The following ZNF438 variants were observed in gnomAD, a reference collection of about 807,000 sequenced individuals.
The protein encoded by ZNF438 is zinc finger protein 438.
ZNF438 carries 25 observed loss-of-function variants against 38.0 expected under a neutral mutation model. The observed-to-expected ratio is 0.66, with a 90% confidence interval of 0.48 to 0.92. The LOEUF is 0.92. ZNF438 is among the 40% of genes least tolerant of loss of function. The pLI, the probability that ZNF438 is intolerant of heterozygous loss-of-function variation, is 0.00. For synonymous variants in ZNF438, 372 were observed against 364.1 expected, an observed-to-expected ratio of 1.02 and a Z score of -0.25; for missense variants, 1,007 against 999.6, an observed-to-expected ratio of 1.01 and a Z score of -0.10.
intron 2 of ZNF438, among the ~76,000 whole-genome samples, chr10:30,938,071 A>G (rs151030578): frequency 6.7e-4 from 102 of 152,266 alleles, no homozygotes; most frequent in African/African-American, 2.4e-3. Flanking sequence ...GCTAAGATCT[A>G]GGGACTTAAT....
At chr10:30,905,969 G>A (rs2042541268) in intron 3 of ZNF438, among the ~76,000 whole-genome samples, 1 of 152,064 alleles carries the variant, frequency 6.6e-6, no homozygotes, top group South Asian at 2.1e-4. Flanking sequence ...TTATAGCTTT[G>A]TAGTAAGTCT....
At chr10:30,850,164 C>A (rs1220081384) in exon 5 of ZNF438, 1 of 1,613,954 alleles carries the variant, frequency 6.2e-7, no homozygotes, top group African/African-American at 1.3e-5. Flanking sequence ...TGCATCAGGG[C>A]ATAGTTCTGG....
intron 1 of ZNF438, among the ~76,000 whole-genome samples, chr10:30,995,132 T>A (rs1336676792): frequency 1.3e-5 from 2 of 151,810 alleles, no homozygotes; most frequent in Non-Finnish European, 2.9e-5. Flanking sequence ...GAAATATGAA[T>A]CTACACATCC....
At chr10:31,012,394 A>G (rs2055794990) in intron 1 of ZNF438, among the ~76,000 whole-genome samples, 1 of 152,116 alleles carries the variant, frequency 6.6e-6, no homozygotes, top group Non-Finnish European at 1.5e-5. Context: ...AAGTGCTGGG[A>G]TTACAGGCAT....
At chr10:30,893,039 C>T (rs1646545674) in intron 3 of ZNF438, among the ~76,000 whole-genome samples, 1 of 152,148 alleles carries the variant, frequency 6.6e-6, no homozygotes, top group Admixed American at 6.6e-5. Context: ...CAGGAAGTCA[C>T]AGTAAGAAAT....
At chr10:30,947,761 G>C (rs2047608373) in intron 1 of ZNF438, among the ~76,000 whole-genome samples, 1 of 152,220 alleles carries the variant, frequency 6.6e-6, no homozygotes, top group Admixed American at 6.5e-5. Context: ...GAAAAGCGCA[G>C]TATTCGGGAG....
At chr10:30,961,525 AT>A (rs1451266464) in intron 1 of ZNF438, among the ~76,000 whole-genome samples, 1 of 145,482 alleles carries the variant, frequency 6.9e-6, no homozygotes, top group Non-Finnish European at 1.6e-5. Context: ...ATCGCATTTT[AT>A]TTTTTTTAAA....
rs1298565210 is a variant in ZNF438 at position 30,951,812 on chromosome 10, T to C, written c.-191-10161A>G. 6.7e-5 allele frequency among the ~76,000 whole-genome samples: 10 copies of C among 150,256 alleles called. 1 individual carries two copies. The highest frequency in any genetic ancestry group is 6.0e-4 in the Admixed American group (9 of 15,076). ...GTAGGAAGAATCAATACCATGAAAATGGCCATACTGCCCAAGGTAATTTAC... is the reference window on the plus strand; with the variant it reads ...GTAGGAAGAATCAATACCATGAAAACGGCCATACTGCCCAAGGTAATTTAC... On this transcript the variant is annotated intron_variant, in intron 1 of 5. Transcript: ENST00000413025.
chr10:30,991,454 C>A (rs2053489279), intron 1 of ZNF438, among the ~76,000 whole-genome samples: 1 of 152,190 alleles, frequency 6.6e-6, no homozygotes, highest in African/African-American at 2.4e-5. Context: ...GTTCCATATC[C>A]ATAGGGGCAA....
At chr10:30,885,100 C>T (rs560415701) in intron 3 of ZNF438, among the ~76,000 whole-genome samples, 1 of 152,324 alleles carries the variant, frequency 6.6e-6, no homozygotes, top group Non-Finnish European at 1.5e-5. Flanking sequence ...TATCATCACA[C>T]TGACATACTG....
chr10:30,968,434 CTTTTTTTTTT>C (rs546132410), intron 1 of ZNF438, among the ~76,000 whole-genome samples: 43 of 103,650 alleles, frequency 4.1e-4, no homozygotes, highest in Middle Eastern at 5.7e-3. Flanking sequence ...TGAATGTAAA[CTTTTTTTTTT>C]TTTTTTTTTT....
chr10:30,884,164 C>T (rs1047106051), intron 3 of ZNF438, among the ~76,000 whole-genome samples: 3 of 152,008 alleles, frequency 2.0e-5, no homozygotes, highest in South Asian at 2.1e-4. Flanking sequence ...AACTGTATTC[C>T]TAATATCTTG....
chr10:30,998,769 A>G (rs1250428167), intron 1 of ZNF438, among the ~76,000 whole-genome samples: 1 of 152,084 alleles, frequency 6.6e-6, no homozygotes, highest in African/African-American at 2.4e-5. Context: ...AACAATTTTC[A>G]TGGCAGTTTC....
chr10:30,915,586 C>T (rs141915081), intron 2 of ZNF438, among the ~76,000 whole-genome samples: 122 of 151,742 alleles, frequency 8.0e-4, no homozygotes, highest in Non-Finnish European at 1.3e-3. Flanking sequence ...TTAATTTTCT[C>T]GGCAAGTTAA....
intron 3 of ZNF438, among the ~76,000 whole-genome samples, chr10:30,906,060 C>T (rs2042551076): frequency 6.6e-6 from 1 of 151,964 alleles, no homozygotes; most frequent in Admixed American, 6.5e-5. Context: ...CTTGTATTTC[C>T]ATATTAATTT....
intron 1 of ZNF438, among the ~76,000 whole-genome samples, chr10:30,980,863 G>A (rs1268219247): frequency 6.6e-6 from 1 of 152,160 alleles, no homozygotes; most frequent in East Asian, 1.9e-4. Context: ...ATTATTTTAT[G>A]TCTACAAACT....
intron 1 of ZNF438, among the ~76,000 whole-genome samples, chr10:30,963,277 AG>A (rs2049709536): frequency 6.6e-6 from 1 of 151,250 alleles, no homozygotes; most frequent in Non-Finnish European, 1.5e-5. Context: ...CTGTAATCCC[AG>A]CTACTCAGGA....
At chr10:30,907,644 T>C (rs1314483867) in intron 3 of ZNF438, among the ~76,000 whole-genome samples, 1 of 152,172 alleles carries the variant, frequency 6.6e-6, no homozygotes, top group African/African-American at 2.4e-5. Context: ...CCAAATATTT[T>C]GACATATAAT....
intron 2 of ZNF438, among the ~76,000 whole-genome samples, chr10:30,934,159 G>GA (rs34603319): frequency 0.53 from 76,804 of 144,386 alleles, 21,757 homozygotes; most frequent in African/African-American, 0.78. Context: ...AAAAGAAAAA[G>GA]AAAAAAAAAA....
Sources: allele counts gnomAD v4.1 joint callset (sites outside exome capture counted in the v4.1 genomes callset), GRCh38; gene constraint gnomAD v4.1.1; transcripts MANE v1.5; gene names NCBI Gene and HGNC (gene_info 2026-07-23, HGNC 2026-07-21).